M1AP: variants seen among roughly 807,000 people sequenced by gnomAD.
M1AP encodes meiosis 1 arrest protein.
M1AP carries 39 observed loss-of-function variants against 51.2 expected under a neutral mutation model. That is an observed-to-expected ratio of 0.76 (90% CI 0.59 to 1.00). The LOEUF (loss-of-function observed/expected upper bound fraction) is 1.00, where lower values mean the gene tolerates loss of function less well. Ranked by LOEUF, M1AP falls within the 50% of genes least tolerant of loss-of-function variation. M1AP has a pLI of 0.00. For missense variants in M1AP, 545 were observed against 641.2 expected, an observed-to-expected ratio of 0.85 and a Z score of 1.62; for synonymous variants, 251 against 249.2, an observed-to-expected ratio of 1.01 and a Z score of -0.07.
intron 4 of M1AP, among the ~76,000 whole-genome samples, chr2:74,599,053 G>A (rs1193034212): frequency 2.0e-5 from 3 of 152,130 alleles, no homozygotes; most frequent in East Asian, 3.9e-4. Flanking sequence ...CGAGGTGGGC[G>A]GATCACCTGA....
At chr2:74,561,863 C>G in intron 8 of M1AP, 3 of 984,546 alleles carry the variant, frequency 3.0e-6, no homozygotes, top group Non-Finnish European at 3.6e-6. Context: ...GCTCCCTTTT[C>G]TCCTTCACAG....
intron 8 of M1AP, among the ~76,000 whole-genome samples, chr2:74,561,091 A>AGGAGGAGGAGGAGGAGGAGGAGGAGG (rs1677909260): frequency 2.1e-5 from 1 of 47,868 alleles, no homozygotes; most frequent in African/African-American, 8.5e-5. Context: ...GGAGGAGGAG[A>AGGAGGAGGAGGAGGAGGAGGAGGAGG]AGGAGAAGGA....
chr2:74,636,978 G>A (rs1356037490), intron 2 of M1AP, among the ~76,000 whole-genome samples: 3 of 152,010 alleles, frequency 2.0e-5, no homozygotes, highest in Non-Finnish European at 2.9e-5. Context: ...TTAAATTTGT[G>A]GGTTTGGAGT....
At chr2:74,624,863 T>G (rs1261195345) in intron 2 of M1AP, among the ~76,000 whole-genome samples, 1 of 152,146 alleles carries the variant, frequency 6.6e-6, no homozygotes, top group Non-Finnish European at 1.5e-5. Context: ...AGACATTCAG[T>G]TTGTTTCCAA....
Position 74,560,302 on chromosome 2 carries a change from G to C in M1AP, c.1282-11C>G. 6.3e-7 allele frequency: 1 copy of C among 1,579,920 alleles called. No individual in the cohort carries two copies. The highest frequency in any genetic ancestry group is 1.2e-5 in the South Asian group (1 of 86,048). Reference sequence around the variant, plus strand: ...GCTGTCCAGCATGCTCTGAGGAAAAGAGAGGAGGGGCCTCACTAGGGAACT... The same window carrying C: ...GCTGTCCAGCATGCTCTGAGGAAAACAGAGGAGGGGCCTCACTAGGGAACT... On this transcript the variant is annotated splice_polypyrimidine_tract_variant and intron_variant, in intron 8 of 10. Transcript: ENST00000421985.
chr2:74,581,179 G>A (rs1350982028), intron 5 of M1AP, among the ~76,000 whole-genome samples: 2 of 152,194 alleles, frequency 1.3e-5, no homozygotes, highest in East Asian at 3.8e-4. Flanking sequence ...TTGGGCACAG[G>A]TTGTCCTCCC....
At chr2:74,593,380 A>ATT (rs1477377255) in intron 4 of M1AP, among the ~76,000 whole-genome samples, 2 of 152,090 alleles carry the variant, frequency 1.3e-5, no homozygotes, top group African/African-American at 4.8e-5. Flanking sequence ...TATTTTATTC[A>ATT]TTTATTTATT....
intron 5 of M1AP, among the ~76,000 whole-genome samples, chr2:74,579,799 AT>A (rs1679296844): frequency 6.6e-6 from 1 of 152,030 alleles, no homozygotes; most frequent in Non-Finnish European, 1.5e-5. Flanking sequence ...TTAAAAAAAA[AT>A]CTTTATTATT....
chr2:74,606,401 T>C (rs1364370357), intron 4 of M1AP, among the ~76,000 whole-genome samples: 1 of 152,154 alleles, frequency 6.6e-6, no homozygotes, highest in Non-Finnish European at 1.5e-5. Context: ...ATAAACCAAA[T>C]TGTTTACATT....
intron 3 of M1AP, among the ~76,000 whole-genome samples, chr2:74,608,860 T>G (rs1681162719): frequency 6.6e-6 from 1 of 152,230 alleles, no homozygotes; most frequent in Non-Finnish European, 1.5e-5. Context: ...CTTTTCATGT[T>G]TGTTTACCAT....
At chr2:74,604,102 C>T (rs980258474) in intron 4 of M1AP, among the ~76,000 whole-genome samples, 7 of 152,190 alleles carry the variant, frequency 4.6e-5, no homozygotes, top group African/African-American at 1.7e-4. Context: ...ATTTCCACTG[C>T]CTTAGAATGA....
intron 1 of M1AP, chr2:74,647,593 G>A: frequency 5.2e-6 from 1 of 193,826 alleles, no homozygotes; most frequent in Non-Finnish European, 9.4e-6. Context: ...CACTTTAAAC[G>A]AAATGAAAAC....
At chr2:74,560,363 C>A in intron 8 of M1AP, 72 bp from the exon 9 acceptor site, 1 of 1,482,254 alleles carries the variant, frequency 6.7e-7, no homozygotes, top group Non-Finnish European at 9.1e-7. Flanking sequence ...GGTAGCGATC[C>A]AGGAGTGTGA....
At chr2:74,640,459 T>A (rs1439580845) in intron 1 of M1AP, 132 bp from the exon 2 acceptor site, 6 of 687,368 alleles carry the variant, frequency 8.7e-6, no homozygotes, top group African/African-American at 1.8e-5. Flanking sequence ...GTCCAGGCCA[T>A]CCTATTTTTT....
Position 74,562,271 on chromosome 2 carries a change from G to A in M1AP, c.1227C>T (p.Ser409=). The part of the protein sequence containing the change: ...AVATRELMLP[S]TFPLLPEDPH... ...GGTCCTCAGGTAGCAGGGGGAAGGT[G>A]CTGGGCAGCATCAGTTCCCGCGTGG... Residue 409 remains serine (S), a synonymous_variant, in exon 8 of 11, where the codon AGC becomes AGT. Transcript: ENST00000421985. 6.2e-7 allele frequency: 1 copy of A among 1,614,208 alleles called. No homozygotes were observed. The highest frequency in any genetic ancestry group is 8.5e-7 in the Non-Finnish European group (1 of 1,180,028).
intron 2 of M1AP, 57 bp from the exon 3 acceptor site, chr2:74,615,206 T>C (rs1681596061): frequency 6.9e-7 from 1 of 1,449,624 alleles, no homozygotes; most frequent in Admixed American, 1.8e-5. Flanking sequence ...TTCAGATTAA[T>C]TGGCAGTCTA....
intron 7 of M1AP, among the ~76,000 whole-genome samples, chr2:74,566,295 T>C (rs1289904594): frequency 6.6e-6 from 1 of 152,160 alleles, no homozygotes; most frequent in Non-Finnish European, 1.5e-5. Context: ...AAGGTCTAGA[T>C]AGATGTGGCA....
chr2:74,594,820 G>A (rs1573113367), intron 4 of M1AP, among the ~76,000 whole-genome samples: 1 of 152,160 alleles, frequency 6.6e-6, no homozygotes, highest in Middle Eastern at 3.4e-3. Context: ...GAGAGGCTGC[G>A]GTGAATTGTG....
chr2:74,591,989 A>G (rs1398029870), intron 4 of M1AP, among the ~76,000 whole-genome samples: 3 of 151,630 alleles, frequency 2.0e-5, no homozygotes, highest in Non-Finnish European at 4.4e-5. Context: ...TTTTCAGTAG[A>G]GAAGGGGTTT....
Sources: allele counts gnomAD v4.1 joint callset (sites outside exome capture counted in the v4.1 genomes callset), GRCh38; gene constraint gnomAD v4.1.1; transcripts MANE v1.5; gene names NCBI Gene and HGNC (gene_info 2026-07-23, HGNC 2026-07-21).